CPOX: variants seen among roughly 807,000 people sequenced by gnomAD.
The protein encoded by CPOX is coproporphyrinogen oxidase, also known as oxygen-dependent coproporphyrinogen-III oxidase, mitochondrial.
CPOX carries 24 observed loss-of-function variants against 48.9 expected under a neutral mutation model. The observed-to-expected ratio is 0.49, with a 90% CI of 0.36 to 0.69. The LOEUF is 0.69. Among genes scored for constraint, CPOX ranks in the 30% least tolerant of loss-of-function variants. The pLI, the probability that CPOX is intolerant of heterozygous loss-of-function variation, is 0.00. For missense variants in CPOX, 549 were observed against 597.3 expected (o/e 0.92, Z 0.84); for synonymous variants, 249 against 234.6 (o/e 1.06, Z -0.56).
In CPOX at chr3:98,590,193, G is replaced by C. The variant is rs1707450666; in HGVS notation, c.811+439C>G. Among the ~76,000 whole-genome samples the C allele has an allele frequency of 7.9e-5, 12 of 152,352 alleles. 1 individual carries two copies. The South Asian group carries it at 2.3e-3, about 29-fold the overall frequency. On this transcript the variant is annotated intron_variant, in intron 3 of 6. Coordinates refer to ENST00000647941, the MANE Select transcript of CPOX (RefSeq NM_000097.7). ...GACGGAGTCTCGCTCTGTCACCCAGGCTGGAGTGCAGTGGCACAATCTCCG... is the reference window on the plus strand; with the variant it reads ...GACGGAGTCTCGCTCTGTCACCCAGCCTGGAGTGCAGTGGCACAATCTCCG...
At chr3:98,576,484 C>G (rs1336894301), downstream of CPOX, among the ~76,000 whole-genome samples, 1 of 152,140 alleles carries the variant, frequency 6.6e-6, no homozygotes, top group Non-Finnish European at 1.5e-5. Context: ...TGGGTGGGGA[C>G]ACAAACCCTA....
At chr3:98,578,081 C>T (rs185983907), downstream of CPOX, 1 of 164,880 alleles carries the variant, frequency 6.1e-6, no homozygotes, top group East Asian at 1.9e-4. Context: ...AACCTGCATG[C>T]ATAAGACAGT....
the CPOX span, among the ~76,000 whole-genome samples, chr3:98,573,741 T>C: frequency 1.3e-5 from 2 of 152,258 alleles, no homozygotes; most frequent in African/African-American, 4.8e-5. Context: ...TGATAATGTA[T>C]AAACTAGGAT....
Position 98,580,485 on chromosome 3 carries a change from T to C in CPOX, c.*198A>G. On this transcript the variant is annotated 3_prime_UTR_variant, in exon 7 of 7. Transcript: ENST00000647941. ...AGAAGTATAAATGAGGTTTAATCAA[T>C]TGACTCTGACAATCTGCCATCTCAC... 2.1e-6 allele frequency: 3 copies of C among 1,422,248 alleles called. No individual in the cohort carries two copies. The highest frequency in any genetic ancestry group is 2.9e-5 in the African/African-American group (2 of 69,664). 88.1% of individuals were successfully genotyped at this position (1,422,248 alleles called of 1,614,324 possible). A position where few individuals can be genotyped will look rare whatever the true frequency, so the allele number is the denominator to read the frequency against.
chr3:98,577,956 A>C (rs1707186682), downstream of CPOX, among the ~76,000 whole-genome samples: 1 of 152,212 alleles, frequency 6.6e-6, no homozygotes, highest in Non-Finnish European at 1.5e-5. Context: ...ACTTATCTCA[A>C]ATACTCTGCT....
chr3:98,584,217 C>T (rs1707314402), intron 5 of CPOX, among the ~76,000 whole-genome samples: 1 of 152,086 alleles, frequency 6.6e-6, no homozygotes, highest in Non-Finnish European at 1.5e-5. Context: ...CTAAATTGTC[C>T]TCTTGGGTAT....
At position 98,592,985 on chromosome 3, in the gene CPOX, C is replaced by A; in HGVS notation, c.520G>T (p.Ala174Ser). The A allele has an allele frequency of 6.2e-7, 1 of 1,613,428 alleles. No individual in the cohort carries two copies. Among genetic ancestry groups the A allele is most frequent in the South Asian group, 1.1e-5 (1 of 90,900 alleles). ...TCCCACCGGTCCACAGAAAAGTTGGCGCCCCCGTCTACCTGTGCCAGAGCC... is the reference window on the plus strand; with the variant it reads ...TCCCACCGGTCCACAGAAAAGTTGGAGCCCCCGTCTACCTGTGCCAGAGCC... ...CQALAQVDGGANFSVDRWERK... is the reference protein window; with the variant it reads ...CQALAQVDGGSNFSVDRWERK... Residue 174 changes from alanine to serine, a missense_variant, in exon 1 of 7, where the codon GCC (alanine) becomes TCC (serine). Ala to Ser is a moderately conservative substitution (Grantham distance 99). This residue lies in a region of CPOX where 336 missense variants were observed against 318.1 expected (regional missense o/e 1.06). Transcript: ENST00000647941.
rs1576307468 is a variant in CPOX at position 98,593,581 on chromosome 3, T to G, written c.-77A>C. ...GAGCCCCCCACCCAGACCCCCGGAGTATTGAGCCGGCGAGCTGCACAGGCG... is the reference window on the plus strand; with the variant it reads ...GAGCCCCCCACCCAGACCCCCGGAGGATTGAGCCGGCGAGCTGCACAGGCG... On this transcript the variant is annotated 5_prime_UTR_variant, in exon 1 of 7. Transcript: ENST00000647941. The G allele has an allele frequency of 1.4e-6, 2 of 1,408,262 alleles. No homozygotes were observed. Among genetic ancestry groups the G allele is most frequent in the Admixed American group, 4.6e-5 (2 of 43,446 alleles). 87.2% of individuals were successfully genotyped at this position (1,408,262 alleles called of 1,614,324 possible).
the CPOX span, among the ~76,000 whole-genome samples, chr3:98,572,790 T>C: frequency 6.6e-6 from 1 of 152,212 alleles, no homozygotes; most frequent in Non-Finnish European, 1.5e-5. Context: ...TATTCTTTCT[T>C]TGGTTTATCA....
rs772225283 is a variant in CPOX, at chr3:98,588,748, C to T, written c.918G>A (p.Gln306=). The change falls in exon 4 of 7, where the codon CAG becomes CAA. Residue 306 remains glutamine (Q), a synonymous_variant. Transcript: ENST00000647941. ...ATTTGGGGTAGAGATCTGGACCATG[C>T]TGGTCACAAGCCTCCTTCAGAGTTC... The part of the protein sequence containing the change: ...FHRTLKEACD[Q]HGPDLYPKFK... The T allele has an allele frequency of 2.5e-6, 4 of 1,614,156 alleles. No individual in the cohort carries two copies. In the Admixed American group the frequency reaches 6.7e-5, roughly 27 times the overall value.
rs938112157 is a variant in CPOX, at chr3:98,593,471, G to T, written c.34C>A (p.Pro12Thr). 2.0e-6 allele frequency: 3 copies of T among 1,513,632 alleles called. No individual in the cohort carries two copies. The highest frequency in any genetic ancestry group is 2.6e-6 in the Non-Finnish European group (3 of 1,137,646). 93.8% of individuals were successfully genotyped at this position (1,513,632 alleles called of 1,614,324 possible). The change falls in exon 1 of 7, where the codon CCC (proline) becomes ACC (threonine). Residue 12 changes from proline to threonine, a missense_variant. Physicochemically the swap from Pro to Thr is conservative, Grantham distance 38 (BLOSUM62 -1). Coordinates refer to ENST00000647941, the MANE Select transcript of CPOX (RefSeq NM_000097.7). ...ALQLGRLSSG[P>T]CWLVARGGCG... ...CCGCCCCGCGCCACGAGCCAGCAGGGGCCCGAGCTCAGCCTGCCCAGCTGC... is the reference window on the plus strand; with the variant it reads ...CCGCCCCGCGCCACGAGCCAGCAGGTGCCCGAGCTCAGCCTGCCCAGCTGC...
chr3:98,580,758 C>T lies in CPOX; in HGVS notation c.1290G>A (p.Met430Ile). The T allele has an allele frequency of 1.2e-6, 2 of 1,613,904 alleles. No individual in the cohort carries two copies. Among genetic ancestry groups the T allele is most frequent in the Non-Finnish European group, 1.7e-6 (2 of 1,179,876 alleles). The change falls in exon 7 of 7, where the codon ATG becomes ATA. Residue 430 changes from methionine (M) to isoleucine (I), a missense_variant. Transcript: ENST00000647941. Reference sequence around the variant, plus strand: ...CTTTGGAATTCTCTGAGGGTGAATGCATGTACTCCCATCTATGCATGTCCA... The same window carrying T: ...CTTTGGAATTCTCTGAGGGTGAATGTATGTACTCCCATCTATGCATGTCCA... ...SLPLTARWEY[M>I]HSPSENSKEA... is the part of the protein sequence containing the mutation.
Position 98,580,497 on chromosome 3 carries a change from A to G in CPOX, c.*186T>C. ...GAGGTTTAATCAATTGACTCTGACA[A>G]TCTGCCATCTCACCATTCATCACTG... On this transcript the variant is annotated 3_prime_UTR_variant, in exon 7 of 7. Coordinates refer to ENST00000647941, the MANE Select transcript of CPOX (RefSeq NM_000097.7). 4 of 1,438,646 alleles carry G rather than the reference A, an allele frequency of 2.8e-6. No homozygotes were observed. The highest frequency in any genetic ancestry group is 1.4e-5 in the South Asian group (1 of 70,148). The allele number at this position is 1,438,646 out of a possible 1,614,324, so 89.1% of individuals were successfully genotyped here.
intron 2 of CPOX, 97 bp from the exon 3 acceptor site, chr3:98,590,839 G>A: frequency 8.0e-7 from 1 of 1,246,012 alleles, no homozygotes; most frequent in Admixed American, 1.9e-5. Context: ...ATTTTCAAAA[G>A]CTGCTTTTTA....
downstream of CPOX, among the ~76,000 whole-genome samples, chr3:98,574,631 G>C (rs1463742156): frequency 6.6e-6 from 1 of 152,146 alleles, no homozygotes; most frequent in Non-Finnish European, 1.5e-5. Context: ...GCGCAGGCTG[G>C]AGTGCAGTGG....
downstream of CPOX, among the ~76,000 whole-genome samples, chr3:98,579,137 T>C (rs1324884872): frequency 2.0e-5 from 3 of 152,234 alleles, no homozygotes; most frequent in Non-Finnish European, 4.4e-5. Flanking sequence ...ACCTAATGAA[T>C]AGCAAATATA....
Position 98,593,209 on chromosome 3 carries a change from G to A in CPOX, c.296C>T (p.Ala99Val), listed in dbSNP as rs781649061. The A allele has an allele frequency of 1.6e-5, 26 of 1,589,696 alleles. No homozygotes were observed. In the Admixed American group the frequency reaches 4.3e-4, roughly 26 times the overall value. ...CCCCGAGGTCTTAGGCAACATCTCC[G>A]CCCGCTGCACATGCCCGAAGGCGGC... ...ATAAFGHVQR[A>V]EMLPKTSGTR... Residue 99 changes from alanine to valine, a missense_variant, in exon 1 of 7, where the codon GCG becomes GTG. By Grantham distance (64) the Ala-to-Val change is moderately conservative. This residue lies in a region of CPOX where 336 missense variants were observed against 318.1 expected (regional missense o/e 1.06). Coordinates refer to ENST00000647941, the MANE Select transcript of CPOX (RefSeq NM_000097.7).
chr3:98,579,831 T>C lies in CPOX; in HGVS notation c.*852A>G, dbSNP rs919008828. ...AAGAAGGAAATTATTTCTCATTTCA[T>C]TTTCCAAATGAGAAACATTGCCTAA... On this transcript the variant is annotated 3_prime_UTR_variant, in exon 7 of 7. Transcript: ENST00000647941. 12 of 985,188 alleles carry C rather than the reference T, an allele frequency of 1.2e-5. No individual in the cohort carries two copies. In the Admixed American group the frequency reaches 2.5e-4, roughly 20 times the overall value. 61.0% of individuals were successfully genotyped at this position (985,188 alleles called of 1,614,324 possible).
rs560839000 is a variant in CPOX at position 98,591,899 on chromosome 3, G to A, written c.557-744C>T. 2.6e-5 allele frequency among the ~76,000 whole-genome samples: 4 copies of A among 151,912 alleles called. No individual in the cohort carries two copies. The East Asian group carries it at 7.7e-4, about 29-fold the overall frequency. ...AAGATCAAACTGCTGACAAGTGGCT[G>A]CAACAATTTGTCTAAATGCTGTCTA... On this transcript the variant is annotated intron_variant, in intron 1 of 6. Transcript: ENST00000647941.
Sources: gnomAD v4.1 joint callset for allele counts (sites outside exome capture counted in the v4.1 genomes callset) on GRCh38, gnomAD v4.1.1 for gene constraint, gnomAD v4.1.1 regional missense constraint, MANE v1.5 for transcripts, NCBI Gene and HGNC (gene_info 2026-07-23, HGNC 2026-07-21) for gene names.